CGN: variants seen among roughly 807,000 people sequenced by gnomAD.
CGN encodes the protein cingulin.
A neutral mutation model predicts 157.1 loss-of-function variants in CGN; 121 were observed. The observed-to-expected ratio is 0.77, with a 90% CI of 0.66 to 0.90. The LOEUF (loss-of-function observed/expected upper bound fraction) is 0.90, where lower values mean the gene tolerates loss of function less well. Ranked by LOEUF, CGN falls within the 40% of genes least tolerant of loss-of-function variation. The pLI, the probability that CGN is intolerant of heterozygous loss-of-function variation, is 0.00. For synonymous variants in CGN, 535 were observed against 607.5 expected (o/e 0.88, Z 1.76); for missense variants, 1,424 against 1,520.9 (o/e 0.94, Z 1.06).
Position 151,512,252 on chromosome 1 carries a change from C to T in CGN, c.-15+737C>T, listed in dbSNP as rs142179463. Among the ~76,000 whole-genome samples the T allele has an allele frequency of 1.1e-3, 170 of 152,164 alleles. 1 individual carries two copies. The East Asian group carries it at 0.025, about 22-fold the overall frequency. ...AGGAAGCAAAGAGCCCTGCCTGGTC[C>T]TGCAAAATATTGATAAATATTAATA... is the stretch of plus-strand genomic sequence containing the variant. On this transcript the variant is annotated intron_variant, in intron 1 of 20. Transcript: ENST00000271636.
chr1:151,520,596 A>G lies in CGN; in HGVS notation c.1045A>G (p.Met349Val). ...LVLEKMQPLVMVSSGSTKAVA... is the reference protein window; with the variant it reads ...LVLEKMQPLVVVSSGSTKAVA... ...CCCACACCCCCCATATCTCTGGCAG[A>G]TGGTTTCTTCTGGTTCTACTAAGGC... The change falls in exon 5 of 21, where the codon ATG (methionine) becomes GTG (valine). Residue 349 changes from methionine to valine, a missense_variant and splice_region_variant. Met to Val is a conservative substitution (Grantham distance 21, BLOSUM62 1). This residue lies in a region of CGN where 1,187 missense variants were observed against 1,217.6 expected (regional missense o/e 0.97). Transcript: ENST00000271636. 1.9e-6 allele frequency: 3 copies of G among 1,614,170 alleles called. No individual in the cohort carries two copies. In the South Asian group the frequency reaches 3.3e-5, roughly 18 times the overall value.
chr1:151,535,052 C>T lies in CGN; in HGVS notation c.2915C>T (p.Ser972Leu), dbSNP rs746372093. The change falls in exon 16 of 21, where the codon TCA becomes TTA. Residue 972 changes from serine (S) to leucine (L), a missense_variant. By Grantham distance (145) the Ser-to-Leu change is moderately radical. Coordinates refer to ENST00000271636, the MANE Select transcript of CGN (RefSeq NM_020770.3). ...GTTCTTCTGTCCTAGGAAAAAGTCT[C>T]ACGGCTGGAAACAGAGTTAGATGAG... ...RQLKGLEEKVSRLETELDEEK... is the reference protein window; with the variant it reads ...RQLKGLEEKVLRLETELDEEK... 1 of 1,613,694 alleles carries T rather than the reference C, an allele frequency of 6.2e-7. No individual in the cohort carries two copies. The highest frequency in any genetic ancestry group is 8.5e-7 in the Non-Finnish European group (1 of 1,179,624).
Position 151,533,249 on chromosome 1 carries a change from G to T in CGN, c.2742+677G>T, listed in dbSNP as rs562122639. 2.5e-4 allele frequency among the ~76,000 whole-genome samples: 38 copies of T among 152,218 alleles called. No individual in the cohort carries two copies. The South Asian group carries it at 7.9e-3, about 32-fold the overall frequency. On this transcript the variant is annotated intron_variant, in intron 14 of 20. Coordinates refer to ENST00000271636, the MANE Select transcript of CGN (RefSeq NM_020770.3). ...TCCCAGCACGTTGGGAGGCTGAGGC[G>T]GGCAGATCATGAGGTCAGGTGTTCA...
intron 1 of CGN, 47 bp from the exon 2 acceptor site, chr1:151,518,459 G>A (rs919894259): frequency 6.7e-7 from 1 of 1,483,656 alleles, no homozygotes; most frequent in African/African-American, 1.4e-5. Context: ...AAGTTTCATA[G>A]TTTCTAGTGA....
chr1:151,534,218 C>T (rs1281053138), intron 15 of CGN, 82 bp downstream of exon 15: 5 of 1,321,040 alleles, frequency 3.8e-6, no homozygotes, highest in Non-Finnish European at 5.2e-6. Context: ...AACCGACAGC[C>T]CACAGTTGAT....
chr1:151,525,826 T>C, intron 9 of CGN, 36 bp downstream of exon 9: 1 of 1,373,258 alleles, frequency 7.3e-7, no homozygotes, highest in Non-Finnish European at 9.6e-7. Context: ...TACCCATGAT[T>C]CATATGCCAC....
chr1:151,534,216 GC>G, intron 15 of CGN, 80 bp downstream of exon 15: 1 of 1,324,470 alleles, frequency 7.6e-7, no homozygotes, highest in Non-Finnish European at 1.0e-6. Context: ...AAAACCGACA[GC>G]CCACAGTTGA....
At chr1:151,532,633 T>C (rs1377514972) in intron 14 of CGN, 61 bp downstream of exon 14, 14 of 1,095,936 alleles carry the variant, frequency 1.3e-5, no homozygotes, top group East Asian at 1.1e-4. Context: ...TTTTTTTTTT[T>C]GTCCGAGACA....
intron 2 of CGN, among the ~76,000 whole-genome samples, chr1:151,519,678 C>T (rs1664495202): frequency 2.0e-5 from 3 of 152,180 alleles, no homozygotes; most frequent in Non-Finnish European, 2.9e-5. Context: ...CAGTCACCAG[C>T]ATTTGCAAGG....
Position 151,520,260 on chromosome 1 carries a change from G to A in CGN, c.968G>A (p.Arg323Lys), listed in dbSNP as rs1243738532. ...AAGGCCACCATCTATGGCATCCTGAGGGAGGGGTGAGTGGGGGCCCCCCCA... is the reference window on the plus strand; with the variant it reads ...AAGGCCACCATCTATGGCATCCTGAAGGAGGGGTGAGTGGGGGCCCCCCCA... ...HMKATIYGIL[R>K]EGSSESETSV... Residue 323 changes from arginine (R) to lysine (K), a missense_variant, in exon 3 of 21, where the codon AGG becomes AAG. By Grantham distance (26) the Arg-to-Lys change is conservative. Around this residue, in one of 3 missense-constraint regions of CGN, gnomAD observed 1,187 missense variants for 1,217.6 expected, o/e 0.97. Coordinates refer to ENST00000271636, the MANE Select transcript of CGN (RefSeq NM_020770.3). 1.2e-6 allele frequency: 2 copies of A among 1,613,222 alleles called. No individual in the cohort carries two copies. The highest frequency in any genetic ancestry group is 2.2e-5 in the East Asian group (1 of 44,876).
chr1:151,534,843 G>C, intron 15 of CGN, 199 bp from the exon 16 acceptor site: 1 of 556,704 alleles, frequency 1.8e-6, no homozygotes, highest in East Asian at 3.0e-5. Flanking sequence ...GCATGGCCCC[G>C]ACCTGCCCAT....
rs762671239 is a variant in CGN at position 151,535,771 on chromosome 1, C to G, written c.3079-9C>G. ...AGTGCTAACTGTGGAGGCTTCCTGT[C>G]CCTCTCAGAACAAGGACCTGAAGAC... On this transcript the variant is annotated splice_polypyrimidine_tract_variant and intron_variant, in intron 17 of 20. Coordinates refer to ENST00000271636, the MANE Select transcript of CGN (RefSeq NM_020770.3). The G allele has an allele frequency of 6.2e-7, 1 of 1,612,854 alleles. No individual in the cohort carries two copies. The highest frequency in any genetic ancestry group is 1.1e-5 in the South Asian group (1 of 91,052).
chr1:151,517,554 A>T (rs1664442714), intron 1 of CGN, among the ~76,000 whole-genome samples: 1 of 142,694 alleles, frequency 7.0e-6, no homozygotes, highest in South Asian at 2.2e-4. Flanking sequence ...TTTGTCACCC[A>T]AGCTGGAGTG....
rs546385356 is a variant in CGN, at chr1:151,520,562, C to A, written c.1045-34C>A. On this transcript the variant is annotated intron_variant, in intron 4 of 20. Transcript: ENST00000271636. ...CTCAGGGGATCCAGACTTGGACTCA[C>A]TCCCTTCCCCCACACCCCCCATATC... The A allele has an allele frequency of 3.1e-6, 5 of 1,612,676 alleles. No homozygotes were observed. In the African/African-American group the frequency reaches 6.7e-5, roughly 22 times the overall value.
At chr1:151,535,191 C>A in intron 16 of CGN, 60 bp downstream of exon 16, 6 of 1,253,176 alleles carry the variant, frequency 4.8e-6, no homozygotes, top group East Asian at 2.4e-5. Context: ...TTGGTTCTCT[C>A]AAAAACAACT....
chr1:151,520,350 C>T, intron 3 of CGN, 64 bp from the exon 4 acceptor site: 1 of 1,564,216 alleles, frequency 6.4e-7, no homozygotes, highest in East Asian at 2.2e-5. Flanking sequence ...CTGATTTTAC[C>T]CTTTCCTGAT....
At position 151,518,640 on chromosome 1, in the gene CGN, C is replaced by T. The variant is rs150772007; in HGVS notation, c.121C>T (p.Arg41Cys). 203 of 1,614,000 alleles carry T rather than the reference C, an allele frequency of 1.3e-4. No individual in the cohort carries two copies. Among genetic ancestry groups the T allele is most frequent in the Non-Finnish European group, 1.6e-4 (194 of 1,180,048 alleles). Residue 41 changes from arginine (R) to cysteine (C), a missense_variant, in exon 2 of 21, where the codon CGC becomes TGC. Arg to Cys is a radical substitution (Grantham distance 180). Transcript: ENST00000271636. ...GGGCACTCTACGTCGAGGTGGACGACGCCCAGCTAAGGATGCAAGAGCCAG... is the reference window on the plus strand; with the variant it reads ...GGGCACTCTACGTCGAGGTGGACGATGCCCAGCTAAGGATGCAAGAGCCAG... The part of the protein sequence containing the change: ...EMGTLRRGGR[R>C]PAKDARASTY...
intron 14 of CGN, among the ~76,000 whole-genome samples, chr1:151,532,919 C>G (rs116986224): frequency 1.4e-4 from 21 of 152,116 alleles, no homozygotes; most frequent in Middle Eastern, 3.4e-3. Flanking sequence ...GCGCCCAGCC[C>G]GGTCCTTGCC....
At chr1:151,527,952 T>TATATATATATATATATA (rs1664729473) in intron 10 of CGN, 1 of 80,230 alleles carries the variant, frequency 1.2e-5, no homozygotes, top group African/African-American at 5.6e-5. Flanking sequence ...ATATATATAT[T>TATATATATATATATATA]TTTTTTTTTT....
Sources: allele counts gnomAD v4.1 joint callset (sites outside exome capture counted in the v4.1 genomes callset), GRCh38; gene constraint gnomAD v4.1.1; regional missense constraint gnomAD v4.1.1; transcripts MANE v1.5; gene names NCBI Gene and HGNC (gene_info 2026-07-23, HGNC 2026-07-21).